Variants in CNTNAP2 observed in about 807,000 individuals in gnomAD.
CNTNAP2 encodes the protein contactin associated protein 2.
A neutral mutation model predicts 155.2 loss-of-function variants in CNTNAP2; 98 were observed. That is an observed-to-expected ratio of 0.63 (90% confidence interval 0.54 to 0.75). The LOEUF is 0.75. CNTNAP2 is among the 30% of genes least tolerant of loss of function. The probability of loss-of-function intolerance (pLI) is 0.00; values close to 1 mark genes in which losing one functional copy is unlikely to be tolerated. For synonymous variants in CNTNAP2, 651 were observed against 631.2 expected (o/e 1.03, Z -0.47); for missense variants, 1,727 against 1,688.1 (o/e 1.02, Z -0.40).
chr7:146,394,133 T>G (rs1795586016), intron 1 of CNTNAP2, among the ~76,000 whole-genome samples: 1 of 152,126 alleles, frequency 6.6e-6, no homozygotes, highest in African/African-American at 2.4e-5. Context: ...GAGCCAGGGT[T>G]AGTACACCAT....
At chr7:148,384,029 A>T in intron 22 of CNTNAP2, 141 bp downstream of exon 22, 1 of 1,224,954 alleles carries the variant, frequency 8.2e-7, no homozygotes, top group South Asian at 1.3e-5. Context: ...CGTTGTGAGT[A>T]CGGAGTTCTC....
At position 147,500,942 on chromosome 7, in the gene CNTNAP2, C is replaced by T. The variant is rs574513871; in HGVS notation, c.1777+14901C>T. Among the ~76,000 whole-genome samples the T allele has an allele frequency of 1.6e-4, 24 of 152,196 alleles. No individual in the cohort carries two copies. In the South Asian group the frequency reaches 3.9e-3, roughly 25 times the overall value. ...GACTAGGAGACTACAATTAAAATTA[C>T]AAGTCAGTATCCCTGATGAGCATAC... is the stretch of plus-strand genomic sequence containing the variant. On this transcript the variant is annotated intron_variant, in intron 11 of 23. Coordinates refer to ENST00000361727, the MANE Select transcript of CNTNAP2 (RefSeq NM_014141.6).
chr7:147,215,327 C>G lies in CNTNAP2; in HGVS notation c.1348+82818C>G, dbSNP rs57507129. Among the ~76,000 whole-genome samples the G allele has an allele frequency of 3.5e-3, 539 of 152,166 alleles. 4 individuals carry two copies. Among genetic ancestry groups the G allele is most frequent in the African/African-American group, 0.012 (508 of 41,496 alleles). ...TAGCATACAGAGTGTTTTCACTACC[C>G]CAAAAATCTGCCATGCTGTATCTAT... is the stretch of plus-strand genomic sequence containing the variant. On this transcript the variant is annotated intron_variant, in intron 8 of 23. Coordinates refer to ENST00000361727, the MANE Select transcript of CNTNAP2 (RefSeq NM_014141.6).
intron 1 of CNTNAP2, among the ~76,000 whole-genome samples, chr7:146,734,983 A>G (rs560271755): frequency 6.6e-6 from 1 of 152,322 alleles, no homozygotes; most frequent in East Asian, 1.9e-4. Flanking sequence ...ATGAACCGAG[A>G]AAGAAATCCA....
At chr7:147,698,063 G>T (rs1318156550) in intron 13 of CNTNAP2, among the ~76,000 whole-genome samples, 1 of 152,058 alleles carries the variant, frequency 6.6e-6, no homozygotes, top group African/African-American at 2.4e-5. Flanking sequence ...TTCTGCTCAT[G>T]GATTTCTGTT....
At chr7:147,042,302 A>C (rs2129254657) in intron 3 of CNTNAP2, among the ~76,000 whole-genome samples, 1 of 152,344 alleles carries the variant, frequency 6.6e-6, no homozygotes, top group African/African-American at 2.4e-5. Flanking sequence ...GTTATAGACT[A>C]AATATTATCC....
At position 147,240,249 on chromosome 7, in the gene CNTNAP2, G is replaced by T. The variant is rs1006576980; in HGVS notation, c.1349-59892G>T. Among the ~76,000 whole-genome samples, 5 of 152,222 alleles carry T rather than the reference G, an allele frequency of 3.3e-5. 1 individual carries two copies. The Middle Eastern group carries it at 0.017, about 518-fold the overall frequency. ...GAGGCAGGAGGATAGCTTGAACCCT[G>T]GAGAGTTCAAGGCTGCAGTGAGCTA... On this transcript the variant is annotated intron_variant, in intron 8 of 23. Coordinates refer to ENST00000361727, the MANE Select transcript of CNTNAP2 (RefSeq NM_014141.6).
At chr7:147,502,717 A>ATGTG (rs60449695) in intron 11 of CNTNAP2, among the ~76,000 whole-genome samples, 20 of 147,852 alleles carry the variant, frequency 1.4e-4, no homozygotes, top group South Asian at 1.3e-3. Context: ...TCATTTCACA[A>ATGTG]TGTGTGTGTG....
At chr7:147,649,148 G>A (rs139600569) in intron 13 of CNTNAP2, among the ~76,000 whole-genome samples, 139 of 152,288 alleles carry the variant, frequency 9.1e-4, no homozygotes, top group African/African-American at 3.2e-3. Flanking sequence ...GGTACTGCTA[G>A]TGCCTTTCAA....
At chr7:147,266,536 A>G (rs1034311464) in intron 8 of CNTNAP2, among the ~76,000 whole-genome samples, 3 of 152,322 alleles carry the variant, frequency 2.0e-5, no homozygotes, top group Non-Finnish European at 2.9e-5. Context: ...GACTATTACT[A>G]TGAAGAACAA....
chr7:147,461,925 A>G (rs1798033076), intron 10 of CNTNAP2, among the ~76,000 whole-genome samples: 1 of 152,244 alleles, frequency 6.6e-6, no homozygotes, highest in African/African-American at 2.4e-5. Context: ...ATATCTTTCC[A>G]ATATTTAATG....
intron 15 of CNTNAP2, among the ~76,000 whole-genome samples, chr7:148,035,157 G>A (rs1432250897): frequency 2.6e-5 from 4 of 152,204 alleles, no homozygotes; most frequent in African/African-American, 9.6e-5. Flanking sequence ...AAGTAGAGCA[G>A]AAAGATTTGG....
At chr7:146,969,060 C>A (rs1466663839) in intron 3 of CNTNAP2, among the ~76,000 whole-genome samples, 6 of 150,232 alleles carry the variant, frequency 4.0e-5, no homozygotes, top group Non-Finnish European at 7.4e-5. Flanking sequence ...GCCTTCATTT[C>A]GTTATGTACC....
intron 11 of CNTNAP2, among the ~76,000 whole-genome samples, chr7:147,501,365 A>G (rs940447575): frequency 6.6e-6 from 1 of 152,132 alleles, no homozygotes; most frequent in South Asian, 2.1e-4. Context: ...TCAACAATGC[A>G]CTGAAAGTCG....
chr7:148,208,208 A>G (rs1245502508), intron 18 of CNTNAP2, among the ~76,000 whole-genome samples: 1 of 152,216 alleles, frequency 6.6e-6, no homozygotes, highest in Non-Finnish European at 1.5e-5. Flanking sequence ...AGGCAATGCA[A>G]ACAGAGAGCT....
chr7:146,748,921 A>G (rs528760715), intron 1 of CNTNAP2, among the ~76,000 whole-genome samples: 3 of 152,214 alleles, frequency 2.0e-5, no homozygotes, highest in East Asian at 1.9e-4. Flanking sequence ...CAAGTCTGCA[A>G]TTCAACCATT....
chr7:147,604,260 A>G (rs1055405175), intron 12 of CNTNAP2, among the ~76,000 whole-genome samples: 13 of 151,830 alleles, frequency 8.6e-5, no homozygotes, highest in East Asian at 5.8e-4. Context: ...GCACAGCAAA[A>G]GAAACTACCA....
At chr7:147,343,150 A>G (rs1795792873) in intron 9 of CNTNAP2, among the ~76,000 whole-genome samples, 1 of 152,112 alleles carries the variant, frequency 6.6e-6, no homozygotes, top group South Asian at 2.1e-4. Context: ...TTGTTTCCTG[A>G]ATGGTAAGCA....
At chr7:147,106,754 A>G (rs1800774489) in intron 4 of CNTNAP2, among the ~76,000 whole-genome samples, 2 of 152,162 alleles carry the variant, frequency 1.3e-5, no homozygotes, top group African/African-American at 4.8e-5. Context: ...ACTTTATAGA[A>G]TTAAGTAAAC....
Sources: gnomAD v4.1 joint callset for allele counts (sites outside exome capture counted in the v4.1 genomes callset) on GRCh38, gnomAD v4.1.1 for gene constraint, MANE v1.5 for transcripts, NCBI Gene and HGNC (gene_info 2026-07-23, HGNC 2026-07-21) for gene names.